The following MYO9B variants were observed in gnomAD, a reference collection of about 807,000 sequenced individuals.
MYO9B encodes myosin IXB.
In MYO9B, 71 loss-of-function variants were observed where a neutral mutation model predicts 229.5. The observed-to-expected ratio is 0.31, with a 90% CI of 0.26 to 0.38. MYO9B has a LOEUF of 0.38. Among genes scored for constraint, MYO9B ranks in the 10% least tolerant of loss-of-function variants. The pLI, the probability that MYO9B is intolerant of heterozygous loss-of-function variation, is 1.00. For synonymous variants in MYO9B, 1,185 were observed against 1,235.8 expected, an observed-to-expected ratio of 0.96 and a Z score of 0.86; for missense variants, 2,255 against 2,920.5, an observed-to-expected ratio of 0.77 and a Z score of 5.25.
intron 15 of MYO9B, among the ~76,000 whole-genome samples, chr19:17,182,693 ACCC>A (rs2072874896): frequency 6.6e-6 from 1 of 151,830 alleles, no homozygotes; most frequent in South Asian, 2.1e-4. Flanking sequence ...GCCTTATTTT[ACCC>A]CACAGGGATT....
Position 17,093,541 on chromosome 19 carries a change from A to G in MYO9B, c.-58-8119A>G, listed in dbSNP as rs1285315654. Among the ~76,000 whole-genome samples, 14 of 152,086 alleles carry G rather than the reference A, an allele frequency of 9.2e-5. 1 individual carries two copies. The highest frequency in any genetic ancestry group is 8.5e-4 in the Admixed American group (13 of 15,260). ...AACCTGACGTACCTTTAGATTTCCG[A>G]CCATCTCCCTGCTGTGGTGTCTGAG... On this transcript the variant is annotated intron_variant, in intron 1 of 39. Transcript: ENST00000682292.
chr19:17,210,997 T>G (rs2073222053), intron 38 of MYO9B, 149 bp downstream of exon 38: 6 of 947,560 alleles, frequency 6.3e-6, no homozygotes, highest in Non-Finnish European at 7.6e-6. Flanking sequence ...TTTTTTTTTT[T>G]TTTTTGAGAC....
chr19:17,198,062 CAAA>C (rs376329870), intron 23 of MYO9B, 119 bp from the exon 24 acceptor site: 58 of 1,180,672 alleles, frequency 4.9e-5, no homozygotes, highest in South Asian at 7.9e-5. Flanking sequence ...GACTCCGTTT[CAAA>C]AAAAAAAAAA....
chr19:17,175,455 T>G (rs1319075336), intron 13 of MYO9B, among the ~76,000 whole-genome samples: 1 of 151,914 alleles, frequency 6.6e-6, no homozygotes, highest in Non-Finnish European at 1.5e-5. Context: ...CACAGTGGCC[T>G]GTAGTCCTAG....
At chr19:17,196,832 A>T (rs183120335) in intron 22 of MYO9B, among the ~76,000 whole-genome samples, 3 of 152,070 alleles carry the variant, frequency 2.0e-5, no homozygotes, top group African/African-American at 7.2e-5. Context: ...GGATGGATGG[A>T]TGGATGGACA....
intron 2 of MYO9B, among the ~76,000 whole-genome samples, 159 bp from the exon 3 acceptor site, chr19:17,145,238 T>G (rs180848990): frequency 7.7e-4 from 117 of 152,136 alleles, no homozygotes; most frequent in African/African-American, 2.6e-3. Flanking sequence ...ATTGTGCCAC[T>G]TCACTCCAGC....
At chr19:17,154,911 A>T (rs1192083995) in intron 6 of MYO9B, among the ~76,000 whole-genome samples, 1 of 151,972 alleles carries the variant, frequency 6.6e-6, no homozygotes, top group Non-Finnish European at 1.5e-5. Flanking sequence ...GCAGTGAGCC[A>T]CCATGATCAT....
intron 2 of MYO9B, among the ~76,000 whole-genome samples, chr19:17,114,142 C>A (rs143602718): frequency 6.6e-5 from 10 of 152,330 alleles, no homozygotes; most frequent in Middle Eastern, 3.4e-3. Flanking sequence ...GAACCACCCC[C>A]CAGTTGAGAA....
rs768348632 is a variant in MYO9B, at chr19:17,194,658, G to A, written c.3231G>A (p.Ala1077=). The stretch of plus-strand genomic sequence containing the variant: ...CTGAGGAGGGCGGACAGGGTCAGGC[G>A]GCTGGAGGGCAGCAGGTAGCTGAGC... ...AGAEEGGQGQ[A]AGGQQVAEQG... Residue 1077 remains alanine, a synonymous_variant, in exon 22 of 40, where the codon GCG becomes GCA. Transcript: ENST00000682292. 5.6e-6 allele frequency: 9 copies of A among 1,612,554 alleles called. No individual in the cohort carries two copies. The highest frequency in any genetic ancestry group is 5.0e-5 in the Admixed American group (3 of 59,952).
At chr19:17,183,486 G>A (rs772596634) in intron 15 of MYO9B, among the ~76,000 whole-genome samples, 2 of 152,148 alleles carry the variant, frequency 1.3e-5, no homozygotes, top group Non-Finnish European at 2.9e-5. Flanking sequence ...AGCAAGCCCC[G>A]CTGGATGCAC....
intron 15 of MYO9B, among the ~76,000 whole-genome samples, chr19:17,181,474 A>G (rs2072860132): frequency 6.6e-6 from 1 of 152,244 alleles, no homozygotes; most frequent in Non-Finnish European, 1.5e-5. Flanking sequence ...TAAGCCAGTC[A>G]GGAGAGCCCA....
At chr19:17,128,238 A>T (rs12984618) in intron 2 of MYO9B, among the ~76,000 whole-genome samples, 52 of 150,744 alleles carry the variant, frequency 3.4e-4, no homozygotes, top group African/African-American at 1.0e-3. Flanking sequence ...TTTTTTTTTT[A>T]AATTTAGCAA....
At chr19:17,159,268 G>A in intron 7 of MYO9B, 127 bp from the exon 8 acceptor site, 1 of 809,012 alleles carries the variant, frequency 1.2e-6, no homozygotes, top group South Asian at 1.6e-5. Flanking sequence ...CCCACTTCTA[G>A]GCCTGGCTGC....
At chr19:17,156,072 G>C (rs2072534117) in intron 6 of MYO9B, among the ~76,000 whole-genome samples, 1 of 150,854 alleles carries the variant, frequency 6.6e-6, no homozygotes, top group South Asian at 2.1e-4. Context: ...CTCCATCCTG[G>C]ACAACATAGC....
intron 2 of MYO9B, among the ~76,000 whole-genome samples, chr19:17,104,209 G>A (rs1358041307): frequency 6.6e-6 from 1 of 152,206 alleles, no homozygotes; most frequent in African/African-American, 2.4e-5. Context: ...CAGCAGGGTG[G>A]AAGGAAGCCA....
intron 3 of MYO9B, among the ~76,000 whole-genome samples, chr19:17,149,590 G>A (rs896876615): frequency 2.0e-5 from 3 of 152,152 alleles, no homozygotes; most frequent in African/African-American, 7.2e-5. Flanking sequence ...CCCAAGAATG[G>A]CCGCAGCGAT....
chr19:17,105,237 A>T (rs756965816), intron 2 of MYO9B, among the ~76,000 whole-genome samples: 22 of 149,686 alleles, frequency 1.5e-4, no homozygotes, highest in Non-Finnish European at 2.8e-4. Flanking sequence ...ATCCCAGTGC[A>T]CTGGGAGGCC....
At chr19:17,187,554 T>C (rs2072932097) in intron 18 of MYO9B, among the ~76,000 whole-genome samples, 1 of 145,496 alleles carries the variant, frequency 6.9e-6, no homozygotes, top group Non-Finnish European at 1.5e-5. Flanking sequence ...TTTTTTTTTT[T>C]CTTTTCTTTT....
chr19:17,206,106 G>A lies in MYO9B; in HGVS notation c.5211G>A (p.Ser1737=), dbSNP rs367648233. 7.4e-5 allele frequency: 119 copies of A among 1,606,894 alleles called. No individual in the cohort carries two copies. Among genetic ancestry groups the A allele is most frequent in the African/African-American group, 4.1e-4 (31 of 74,764 alleles). ...GLYTEGLYRK[S]GAANRTRELR... Reference sequence around the variant, plus strand: ...ACACCGAGGGCCTCTACCGCAAGTCGGGTGCTGCCAACCGCACTCGGGAGC... The same window carrying A: ...ACACCGAGGGCCTCTACCGCAAGTCAGGTGCTGCCAACCGCACTCGGGAGC... Residue 1737 remains serine, a synonymous_variant, in exon 32 of 40, where the codon TCG becomes TCA. Transcript: ENST00000682292.
Sources: allele counts gnomAD v4.1 joint callset (sites outside exome capture counted in the v4.1 genomes callset), GRCh38; gene constraint gnomAD v4.1.1; transcripts MANE v1.5; gene names NCBI Gene and HGNC (gene_info 2026-07-23, HGNC 2026-07-21).